The following E2F3 variants were observed in gnomAD, a reference collection of about 807,000 sequenced individuals.
The protein encoded by E2F3 is E2F transcription factor 3, also known as transcription factor E2F3.
In E2F3, 11 loss-of-function variants were observed where a neutral mutation model predicts 44.4. The observed-to-expected ratio is 0.25, with a 90% CI of 0.16 to 0.41. The LOEUF (loss-of-function observed/expected upper bound fraction) is 0.41. E2F3 is among the 10% of genes least tolerant of loss of function. E2F3 has a pLI of 1.00. For synonymous variants in E2F3, 249 were observed against 253.0 expected (o/e 0.98, Z 0.15); for missense variants, 487 against 583.6 (o/e 0.83, Z 1.70).
chr6:20,455,426 C>T (rs1377905116), intron 1 of E2F3, among the ~76,000 whole-genome samples: 1 of 152,178 alleles, frequency 6.6e-6, no homozygotes, highest in Non-Finnish European at 1.5e-5. Context: ...AGACTCTGAC[C>T]TACAAAAGTG....
intron 1 of E2F3, among the ~76,000 whole-genome samples, chr6:20,475,163 G>A (rs975815660): frequency 1.3e-5 from 2 of 152,154 alleles, no homozygotes; most frequent in African/African-American, 2.4e-5. Context: ...TGATTCTTTC[G>A]CAATAAAAGT....
At chr6:20,437,419 A>G (rs1323192779) in intron 1 of E2F3, among the ~76,000 whole-genome samples, 3 of 152,196 alleles carry the variant, frequency 2.0e-5, no homozygotes, top group Admixed American at 6.5e-5. Context: ...ACTGAGCAGC[A>G]TAGTAACCTA....
intron 1 of E2F3, among the ~76,000 whole-genome samples, chr6:20,435,890 C>T (rs897453507): frequency 6.6e-6 from 1 of 151,860 alleles, no homozygotes; most frequent in Admixed American, 6.5e-5. Context: ...CAGCCCTTAT[C>T]TTGCTTTCTT....
chr6:20,454,202 T>C (rs576231033), intron 1 of E2F3, among the ~76,000 whole-genome samples: 38 of 152,336 alleles, frequency 2.5e-4, no homozygotes, highest in African/African-American at 7.5e-4. Context: ...CAGCTGAGAA[T>C]TGTCAGAAAT....
intron 4 of E2F3, 29 bp from the exon 5 acceptor site, chr6:20,486,660 T>A: frequency 8.6e-7 from 1 of 1,161,892 alleles, no homozygotes; most frequent in Non-Finnish European, 1.3e-6. Flanking sequence ...CTGAGGTAAT[T>A]AGATGGAAGA....
chr6:20,431,558 G>T (rs6924973), intron 1 of E2F3, among the ~76,000 whole-genome samples: 1 of 152,140 alleles, frequency 6.6e-6, no homozygotes, highest in South Asian at 2.1e-4. Flanking sequence ...GGGAATGGAA[G>T]CCAGTGGATA....
intron 1 of E2F3, chr6:20,403,787 T>C: frequency 2.1e-6 from 3 of 1,430,324 alleles, no homozygotes; most frequent in East Asian, 3.1e-5. Flanking sequence ...GCCCCCCACC[T>C]CCCCCCGGAG....
At chr6:20,488,578 A>T (rs929058661) in intron 6 of E2F3, among the ~76,000 whole-genome samples, 4 of 152,190 alleles carry the variant, frequency 2.6e-5, no homozygotes, top group African/African-American at 9.6e-5. Context: ...CCTTTGAATC[A>T]CACTGCAGAG....
At chr6:20,409,879 C>G (rs1366989246) in intron 1 of E2F3, among the ~76,000 whole-genome samples, 1 of 152,128 alleles carries the variant, frequency 6.6e-6, no homozygotes, top group Admixed American at 6.5e-5. Context: ...AGAAAGGTGC[C>G]CAGTGTAGAT....
At position 20,424,887 on chromosome 6, in the gene E2F3, A is replaced by G. The variant is rs116227482; in HGVS notation, c.393+22262A>G. 5.3e-3 allele frequency among the ~76,000 whole-genome samples: 801 copies of G among 152,310 alleles called. 5 individuals are homozygous for G. The highest frequency in any genetic ancestry group is 0.018 in the African/African-American group (741 of 41,564). ...TGCATTTCTGGACATTGGCAGAACCAGGGTTCCAGACCAAGTCCAGGAAAT... is the reference window on the plus strand; with the variant it reads ...TGCATTTCTGGACATTGGCAGAACCGGGGTTCCAGACCAAGTCCAGGAAAT... On this transcript the variant is annotated intron_variant, in intron 1 of 6. Transcript: ENST00000346618.
rs116541190 is a variant in E2F3, at chr6:20,410,885, G to A, written c.393+8260G>A. 4.1e-3 allele frequency among the ~76,000 whole-genome samples: 618 copies of A among 152,278 alleles called. 8 individuals are homozygous for A. The highest frequency in any genetic ancestry group is 4.8e-3 in the Non-Finnish European group (324 of 68,018). ...GATCTGCCCGCCTCGGCCTCACAACGTGCTGGGATTGTAGGCATGAGCCAC... is the reference window on the plus strand; with the variant it reads ...GATCTGCCCGCCTCGGCCTCACAACATGCTGGGATTGTAGGCATGAGCCAC... On this transcript the variant is annotated intron_variant, in intron 1 of 6. Transcript: ENST00000346618.
chr6:20,432,629 A>G (rs548810120), intron 1 of E2F3, among the ~76,000 whole-genome samples: 2 of 152,276 alleles, frequency 1.3e-5, no homozygotes, highest in African/African-American at 4.8e-5. Context: ...TCTGCCCTGA[A>G]ATTTTCTGAT....
chr6:20,450,170 G>T (rs1442925101), intron 1 of E2F3, among the ~76,000 whole-genome samples: 3 of 152,058 alleles, frequency 2.0e-5, no homozygotes, highest in African/African-American at 4.8e-5. Context: ...TGGTATTTCT[G>T]GTAGTTTTTT....
At chr6:20,444,940 G>A (rs747683939) in intron 1 of E2F3, among the ~76,000 whole-genome samples, 11 of 152,170 alleles carry the variant, frequency 7.2e-5, no homozygotes, top group Admixed American at 5.9e-4. Flanking sequence ...GGGGACAGCC[G>A]TTTTGTCTGT....
At chr6:20,423,072 G>A (rs956930086) in intron 1 of E2F3, among the ~76,000 whole-genome samples, 61 of 152,004 alleles carry the variant, frequency 4.0e-4, no homozygotes, top group African/African-American at 1.4e-3. Context: ...AGCCTATTAT[G>A]TTTCTTTTGA....
At chr6:20,436,956 C>T (rs73382499) in intron 1 of E2F3, among the ~76,000 whole-genome samples, 1,891 of 152,092 alleles carry the variant, frequency 0.012, 54 homozygotes, top group African/African-American at 0.042. Context: ...CCCATCTCCA[C>T]GAGAATGTTA....
At chr6:20,466,680 G>A (rs1329568960) in intron 1 of E2F3, among the ~76,000 whole-genome samples, 1 of 125,084 alleles carries the variant, frequency 8.0e-6, no homozygotes, top group Non-Finnish European at 1.6e-5. Context: ...CCCTATCGGT[G>A]TGTTCTTTTT....
intron 1 of E2F3, among the ~76,000 whole-genome samples, chr6:20,405,957 C>T (rs1349785478): frequency 6.6e-6 from 1 of 152,122 alleles, no homozygotes; most frequent in Admixed American, 6.5e-5. Flanking sequence ...TGTAAGTCTT[C>T]GAATTTTGAA....
chr6:20,413,516 A>C lies in E2F3; in HGVS notation c.393+10891A>C, dbSNP rs1471575624. On this transcript the variant is annotated intron_variant, in intron 1 of 6. Transcript: ENST00000346618. Reference sequence around the variant, plus strand: ...GACTCCCAGGTTGTAGCCCAGGCAAACCATACAAAGATGGGTCTCCCAAAA... The same window carrying C: ...GACTCCCAGGTTGTAGCCCAGGCAACCCATACAAAGATGGGTCTCCCAAAA... 6.6e-5 allele frequency among the ~76,000 whole-genome samples: 10 copies of C among 152,190 alleles called. No homozygotes were observed. The East Asian group carries it at 1.9e-3, about 29-fold the overall frequency.
Sources: gnomAD v4.1 joint callset for allele counts (sites outside exome capture counted in the v4.1 genomes callset) on GRCh38, gnomAD v4.1.1 for gene constraint, MANE v1.5 for transcripts, NCBI Gene and HGNC (gene_info 2026-07-23, HGNC 2026-07-21) for gene names.